GALNT12: variants seen among roughly 807,000 people sequenced by gnomAD.
GALNT12 encodes UDP-GalNAc:polypeptide N-acetylgalactosaminyltransferase 12.
Under a neutral mutation model 55.5 loss-of-function variants are expected in GALNT12, and 45 were observed. That is an observed-to-expected ratio of 0.81 (90% CI 0.64 to 1.04). The LOEUF is 1.04. Among genes scored for constraint, GALNT12 ranks in the 50% least tolerant of loss-of-function variants. The pLI, the probability that GALNT12 is intolerant of heterozygous loss-of-function variation, is 0.00. For missense variants in GALNT12, 709 were observed against 754.8 expected, an observed-to-expected ratio of 0.94 and a Z score of 0.71; for synonymous variants, 304 against 312.2, an observed-to-expected ratio of 0.97 and a Z score of 0.28.
At chr9:98,824,897 G>A (rs1025975948) in intron 2 of GALNT12, among the ~76,000 whole-genome samples, 23 of 152,188 alleles carry the variant, frequency 1.5e-4, no homozygotes, top group African/African-American at 1.2e-4. Flanking sequence ...CCCCAGGGTC[G>A]TTTTAAATCT....
At chr9:98,847,675 ATT>A (rs1836451220) in intron 9 of GALNT12, among the ~76,000 whole-genome samples, 2 of 152,100 alleles carry the variant, frequency 1.3e-5, no homozygotes, top group Non-Finnish European at 2.9e-5. Flanking sequence ...GATTTATTAT[ATT>A]TCATCAGTCA....
intron 1 of GALNT12, among the ~76,000 whole-genome samples, chr9:98,810,186 A>G (rs567921310): frequency 1.3e-5 from 2 of 152,316 alleles, no homozygotes; most frequent in Non-Finnish European, 1.5e-5. Flanking sequence ...TGAATGGCAG[A>G]TCATAAGTTC....
intron 6 of GALNT12, among the ~76,000 whole-genome samples, chr9:98,838,337 C>T (rs1836205909): frequency 1.3e-5 from 2 of 152,238 alleles, no homozygotes; most frequent in African/African-American, 4.8e-5. Flanking sequence ...CCTCCCCACT[C>T]AGAGGCCTTG....
intron 7 of GALNT12, among the ~76,000 whole-genome samples, chr9:98,841,894 T>G (rs1010937307): frequency 6.6e-6 from 1 of 151,786 alleles, no homozygotes; most frequent in Non-Finnish European, 1.5e-5. Context: ...GCCAGGCTGG[T>G]CTTGAACTAC....
chr9:98,845,856 T>G (rs1588459383), intron 8 of GALNT12, 121 bp from the exon 9 acceptor site: 1 of 979,020 alleles, frequency 1.0e-6, no homozygotes. Flanking sequence ...CTCGTGTTGG[T>G]GGTGACGCAG....
chr9:98,808,015 A>G lies in GALNT12; in HGVS notation c.317A>G (p.Tyr106Cys), dbSNP rs777089837. ...ESVRLHQINI[Y>C]LSDRISLHRR... ...GTGCGGCTGCACCAGATTAACATCT[A>G]CCTCAGCGACCGCATCTCACTGCAC... Residue 106 changes from tyrosine to cysteine, a missense_variant, in exon 1 of 10, where the codon TAC becomes TGC. Transcript: ENST00000375011. 10 of 1,566,342 alleles carry G rather than the reference A, an allele frequency of 6.4e-6. No homozygotes were observed. Among genetic ancestry groups the G allele is most frequent in the African/African-American group, 5.4e-5 (4 of 74,198 alleles).
chr9:98,811,078 T>G (rs993853722), intron 1 of GALNT12, among the ~76,000 whole-genome samples: 1 of 152,072 alleles, frequency 6.6e-6, no homozygotes, highest in African/African-American at 2.4e-5. Flanking sequence ...CCCAAAACAA[T>G]GAAATCAGAA....
chr9:98,810,923 A>T (rs1835481859), intron 1 of GALNT12, among the ~76,000 whole-genome samples: 1 of 152,212 alleles, frequency 6.6e-6, no homozygotes, highest in South Asian at 2.1e-4. Context: ...GTAAGTCAGT[A>T]AGCATAGTAG....
intron 1 of GALNT12, among the ~76,000 whole-genome samples, chr9:98,820,972 G>T (rs183314718): frequency 6.6e-6 from 1 of 152,192 alleles, no homozygotes; most frequent in Non-Finnish European, 1.5e-5. Context: ...GACACATATC[G>T]AACTATTTTT....
At position 98,826,744 on chromosome 9, in the gene GALNT12, C is replaced by G; in HGVS notation, c.542-8C>G. ...CGGTGACCCCTGTTGCTTTGTTTGC[C>G]TCCCTAGAGCACCTGAAGGAGCGCT... is the stretch of plus-strand genomic sequence containing the variant. On this transcript the variant is annotated splice_polypyrimidine_tract_variant and splice_region_variant and intron_variant, in intron 2 of 9. Transcript: ENST00000375011. 6.2e-7 allele frequency: 1 copy of G among 1,610,208 alleles called. No individual in the cohort carries two copies.
intron 6 of GALNT12, 98 bp downstream of exon 6, chr9:98,837,246 G>C: frequency 8.3e-7 from 1 of 1,200,430 alleles, no homozygotes; most frequent in Non-Finnish European, 1.2e-6. Flanking sequence ...TCCAGAAATA[G>C]AGAATAAATT....
intron 1 of GALNT12, among the ~76,000 whole-genome samples, chr9:98,818,004 A>C (rs1403681993): frequency 6.6e-6 from 1 of 152,168 alleles, no homozygotes; most frequent in East Asian, 1.9e-4. Context: ...ACCTAGATCC[A>C]CCCATTATTG....
chr9:98,818,922 TC>T (rs1835674831), intron 1 of GALNT12, among the ~76,000 whole-genome samples: 1 of 152,222 alleles, frequency 6.6e-6, no homozygotes, highest in Non-Finnish European at 1.5e-5. Flanking sequence ...GGGACTTTGA[TC>T]CCCTGAAGGC....
chr9:98,811,726 AG>A (rs1835499986), intron 1 of GALNT12, among the ~76,000 whole-genome samples: 1 of 131,644 alleles, frequency 7.6e-6, no homozygotes, highest in East Asian at 2.2e-4. Flanking sequence ...TATGTTGCCC[AG>A]GCTGGAGTAC....
intron 1 of GALNT12, among the ~76,000 whole-genome samples, chr9:98,821,149 A>G (rs1278562845): frequency 6.6e-6 from 1 of 152,142 alleles, no homozygotes; most frequent in Non-Finnish European, 1.5e-5. Context: ...AGCTGAGGTT[A>G]TAGGCGTGTG....
chr9:98,816,651 CTTTT>C (rs374259532), intron 1 of GALNT12, among the ~76,000 whole-genome samples: 2 of 138,622 alleles, frequency 1.4e-5, no homozygotes, highest in African/African-American at 5.3e-5. Flanking sequence ...AAGCAATTAA[CTTTT>C]TTTTTTTTTT....
In GALNT12 at chr9:98,826,773, C is replaced by T. The variant is rs2118376150; in HGVS notation, c.563C>T (p.Ala188Val). The change falls in exon 3 of 10, where the codon GCC becomes GTC. Residue 188 changes from alanine (A) to valine (V), a missense_variant. This residue lies in a region of GALNT12 where 315 missense variants were observed against 288.6 expected (regional missense o/e 1.09). Transcript: ENST00000375011. ...CTAGAGCACCTGAAGGAGCGCTTGG[C>T]CAATGAGCTTTCGGGACTGCCCAAG... Reference protein sequence around the residue: ...SDREHLKERLANELSGLPKVR... With the variant: ...SDREHLKERLVNELSGLPKVR... 1 of 1,611,688 alleles carries T rather than the reference C, an allele frequency of 6.2e-7. No individual in the cohort carries two copies. Among genetic ancestry groups the T allele is most frequent in the Non-Finnish European group, 8.5e-7 (1 of 1,179,836 alleles).
chr9:98,808,479 C>G (rs796862893), intron 1 of GALNT12, among the ~76,000 whole-genome samples: 29 of 152,346 alleles, frequency 1.9e-4, no homozygotes, highest in African/African-American at 4.8e-4. Context: ...CATTCATTCT[C>G]TGTGTGTGCC....
At chr9:98,836,905 G>A (rs1435982402) in intron 5 of GALNT12, 67 bp from the exon 6 acceptor site, 1 of 1,560,242 alleles carries the variant, frequency 6.4e-7, no homozygotes, top group African/African-American at 1.4e-5. Flanking sequence ...CCTCTTTGCT[G>A]CAGATACTAT....
Sources: allele counts gnomAD v4.1 joint callset (sites outside exome capture counted in the v4.1 genomes callset), GRCh38; gene constraint gnomAD v4.1.1; regional missense constraint gnomAD v4.1.1; transcripts MANE v1.5; gene names NCBI Gene and HGNC (gene_info 2026-07-23, HGNC 2026-07-21).